Variants in PTPN13 observed in about 807,000 individuals in gnomAD.
PTPN13 encodes the protein tyrosine-protein phosphatase non-receptor type 13.
Under a neutral mutation model 284.0 loss-of-function variants are expected in PTPN13, and 191 were observed. The ratio of observed to expected loss-of-function variants is 0.67; its 90% CI spans 0.60 to 0.76. The LOEUF is 0.76. PTPN13 is among the 30% of genes least tolerant of loss of function. The probability of loss-of-function intolerance (pLI) is 0.00; values close to 1 mark genes in which losing one functional copy is unlikely to be tolerated. For synonymous variants in PTPN13, 986 were observed against 1,022.3 expected, an observed-to-expected ratio of 0.96 and a Z score of 0.68; for missense variants, 2,797 against 2,939.9, an observed-to-expected ratio of 0.95 and a Z score of 1.12.
At chr4:86,683,309 G>A (rs536011808) in intron 3 of PTPN13, among the ~76,000 whole-genome samples, 2 of 152,284 alleles carry the variant, frequency 1.3e-5, no homozygotes, top group East Asian at 3.9e-4. Context: ...GTCTGAGTCC[G>A]AAGGTCAGAG....
Position 86,772,841 on chromosome 4 carries a change from T to C in PTPN13, c.5232T>C (p.Ser1744=). 6.2e-7 allele frequency: 1 copy of C among 1,613,558 alleles called. No homozygotes were observed. The highest frequency in any genetic ancestry group is 1.1e-5 in the South Asian group (1 of 91,028). ...AGAGTTATCAACCCCAATCAGAATC[T>C]GCTTCCTCTAGTTCGATGGATAAGT... ...PGQSYQPQSE[S]ASSSSMDKYH... is the part of the protein sequence containing the mutation. The change falls in exon 32 of 48, where the codon TCT becomes TCC. Residue 1744 remains serine, a synonymous_variant. Coordinates refer to ENST00000411767, the MANE Select transcript of PTPN13 (RefSeq NM_080683.3).
chr4:86,765,850 C>CA (rs1327728848), intron 26 of PTPN13, among the ~76,000 whole-genome samples: 2 of 150,898 alleles, frequency 1.3e-5, no homozygotes, highest in East Asian at 3.9e-4. Flanking sequence ...TTTTTCGAGA[C>CA]AGAGTCTCAC....
chr4:86,799,423 C>T (rs919789726), intron 42 of PTPN13, among the ~76,000 whole-genome samples: 4 of 151,590 alleles, frequency 2.6e-5, no homozygotes, highest in East Asian at 1.9e-4. Flanking sequence ...CCACCACCTC[C>T]GCAGTTCAAG....
chr4:86,679,968 T>G (rs1393959411), intron 3 of PTPN13, among the ~76,000 whole-genome samples: 2 of 152,210 alleles, frequency 1.3e-5, no homozygotes, highest in East Asian at 3.8e-4. Context: ...TCTGGCTTTG[T>G]CACCTAAGGG....
intron 10 of PTPN13, among the ~76,000 whole-genome samples, chr4:86,725,262 G>C (rs1256132557): frequency 2.7e-5 from 4 of 146,736 alleles, no homozygotes; most frequent in African/African-American, 9.9e-5. Context: ...ATTGTGAACA[G>C]TGCTGCAATA....
chr4:86,787,705 T>C (rs1281384582), intron 40 of PTPN13, among the ~76,000 whole-genome samples: 1 of 152,220 alleles, frequency 6.6e-6, no homozygotes, highest in Non-Finnish European at 1.5e-5. Context: ...AACATAAATA[T>C]TTGTATACAT....
At chr4:86,621,823 CT>C (rs1721285848) in intron 1 of PTPN13, among the ~76,000 whole-genome samples, 1 of 151,616 alleles carries the variant, frequency 6.6e-6, no homozygotes, top group African/African-American at 2.4e-5. Flanking sequence ...TTTTCTTATT[CT>C]TTTCCTTTTT....
At chr4:86,666,776 T>G in intron 2 of PTPN13, among the ~76,000 whole-genome samples, 1 of 152,234 alleles carries the variant, frequency 6.6e-6, no homozygotes, top group South Asian at 2.1e-4. Context: ...TAGCACGTGG[T>G]AAAGGGTGGC....
intron 3 of PTPN13, among the ~76,000 whole-genome samples, chr4:86,673,730 C>T (rs182762699): frequency 3.9e-5 from 6 of 152,280 alleles, no homozygotes; most frequent in Non-Finnish European, 5.9e-5. Context: ...TGTTTTGAGA[C>T]GGAGTCTCGT....
chr4:86,725,461 A>G (rs1474853255), intron 10 of PTPN13, among the ~76,000 whole-genome samples: 1 of 149,422 alleles, frequency 6.7e-6, no homozygotes, highest in Admixed American at 6.7e-5. Flanking sequence ...CTATTTCTCC[A>G]CATCCTCTCC....
At chr4:86,759,771 G>A (rs1451550556) in intron 23 of PTPN13, among the ~76,000 whole-genome samples, 1 of 152,106 alleles carries the variant, frequency 6.6e-6, no homozygotes, top group Non-Finnish European at 1.5e-5. Context: ...CTATAAACAT[G>A]CTTATCTTAT....
chr4:86,799,086 G>A lies in PTPN13; in HGVS notation c.6402-15G>A, dbSNP rs1244275080. On this transcript the variant is annotated splice_polypyrimidine_tract_variant and intron_variant, in intron 41 of 47. Coordinates refer to ENST00000411767, the MANE Select transcript of PTPN13 (RefSeq NM_080683.3). ...AAAATGAAGAAAATGTTTCAAATATGTTTTGTTTTCATAGCTTAATTCAGA... is the reference window on the plus strand; with the variant it reads ...AAAATGAAGAAAATGTTTCAAATATATTTTGTTTTCATAGCTTAATTCAGA... The A allele has an allele frequency of 1.4e-6, 2 of 1,463,998 alleles. No individual in the cohort carries two copies. The highest frequency in any genetic ancestry group is 1.9e-6 in the Non-Finnish European group (2 of 1,080,986). 90.7% of individuals were successfully genotyped at this position (1,463,998 alleles called of 1,614,324 possible). A position where few individuals can be genotyped will look rare whatever the true frequency, so the allele number is the denominator to read the frequency against.
Position 86,750,606 on chromosome 4 carries a change from TGA to T in PTPN13, c.2790_2791del (p.Glu930AspfsTer25). 2 of 1,613,918 alleles carry T rather than the reference TGA, an allele frequency of 1.2e-6. No homozygotes were observed. The highest frequency in any genetic ancestry group is 1.7e-6 in the Non-Finnish European group (2 of 1,179,868). ...CTGTTCGACCTTTATCAGTTCAAGC[TGA>T]GATTCTGAAGAGGCTATCCTGCTCA... ...LAVRPLSVQAEILKRLSCSEL... is the reference protein window; with the variant it reads ...LAVRPLSVQAXILKRLSCSEL... On this transcript the variant is annotated frameshift_variant, in exon 18 of 48. Transcript: ENST00000411767. LOFTEE classifies it high-confidence loss of function.
intron 32 of PTPN13, among the ~76,000 whole-genome samples, 189 bp from the exon 33 acceptor site, chr4:86,774,184 G>C (rs780243129): frequency 6.6e-6 from 1 of 152,090 alleles, no homozygotes; most frequent in Non-Finnish European, 1.5e-5. Context: ...GGGATGCAGT[G>C]GGGGGACAGT....
intron 35 of PTPN13, among the ~76,000 whole-genome samples, chr4:86,777,856 A>C (rs1283503106): frequency 6.6e-6 from 1 of 152,152 alleles, no homozygotes; most frequent in Non-Finnish European, 1.5e-5. Flanking sequence ...GTTTTCATAG[A>C]TCTACTTGAA....
At chr4:86,805,251 CA>C (rs1429932062) in intron 43 of PTPN13, 27 bp from the exon 44 acceptor site, 5 of 1,462,476 alleles carry the variant, frequency 3.4e-6, no homozygotes, top group Admixed American at 1.9e-5. Context: ...CTTATCTCAA[CA>C]AATTTATTTC....
rs1230409388 is a variant in PTPN13 at position 86,734,353 on chromosome 4, C to G, written c.1909C>G (p.Pro637Ala). 2 of 1,557,956 alleles carry G rather than the reference C, an allele frequency of 1.3e-6. No homozygotes were observed. Among genetic ancestry groups the G allele is most frequent in the Non-Finnish European group, 1.7e-6 (2 of 1,148,720 alleles). Residue 637 changes from proline (P) to alanine (A), a missense_variant, in exon 13 of 48, where the codon CCA becomes GCA. Coordinates refer to ENST00000411767, the MANE Select transcript of PTPN13 (RefSeq NM_080683.3). ...DPDLKLTKVA[P>A]EGWKEEPKKK... ...TGACTTAAAATTAACCAAAGTGGCC[C>G]CAGAGGGATGGAAAGAAGAACCAAA...
At chr4:86,774,599 T>C (rs963119268) in intron 33 of PTPN13, 68 bp downstream of exon 33, 2 of 1,411,222 alleles carry the variant, frequency 1.4e-6, no homozygotes, top group African/African-American at 1.5e-5. Flanking sequence ...AAAAAGAAGA[T>C]TGAATTATTG....
intron 20 of PTPN13, among the ~76,000 whole-genome samples, chr4:86,757,374 T>C (rs12510802): frequency 0.23 from 34,479 of 152,026 alleles, 4,614 homozygotes; most frequent in East Asian, 0.3. Flanking sequence ...AAAAATCTCT[T>C]TACTTACTTG....
Sources: gnomAD v4.1 joint callset for allele counts (sites outside exome capture counted in the v4.1 genomes callset) on GRCh38, gnomAD v4.1.1 for gene constraint, MANE v1.5 for transcripts, NCBI Gene and HGNC (gene_info 2026-07-23, HGNC 2026-07-21) for gene names.